The following FSTL5 variants were observed in gnomAD, a reference collection of about 807,000 sequenced individuals.
The protein encoded by FSTL5 is follistatin-related protein 5.
Under a neutral mutation model 89.1 loss-of-function variants are expected in FSTL5, and 62 were observed. The observed-to-expected ratio is 0.70, with a 90% CI of 0.57 to 0.86. The LOEUF (loss-of-function observed/expected upper bound fraction) is 0.86. FSTL5 is among the 40% of genes least tolerant of loss of function. The probability of loss-of-function intolerance (pLI) is 0.00; values close to 1 mark genes in which losing one functional copy is unlikely to be tolerated. For missense variants in FSTL5, 1,057 were observed against 1,001.6 expected (o/e 1.06, Z -0.75); for synonymous variants, 383 against 346.2 (o/e 1.11, Z -1.18).
At chr4:161,934,831 CT>C (rs1215310327) in intron 3 of FSTL5, among the ~76,000 whole-genome samples, 1 of 151,964 alleles carries the variant, frequency 6.6e-6, no homozygotes, top group African/African-American at 2.4e-5. Context: ...TATCATGCCC[CT>C]GTTATTATTT....
chr4:161,892,874 T>G (rs1733031755), intron 4 of FSTL5, among the ~76,000 whole-genome samples: 1 of 152,164 alleles, frequency 6.6e-6, no homozygotes, highest in Non-Finnish European at 1.5e-5. Context: ...TAATTACAAC[T>G]ATTATTCAAA....
chr4:161,706,001 CAT>C (rs1255228550), intron 6 of FSTL5, among the ~76,000 whole-genome samples: 38 of 82,398 alleles, frequency 4.6e-4, no homozygotes, highest in African/African-American at 1.6e-3. Context: ...TATATACACA[CAT>C]CTACACACAC....
chr4:162,126,603 C>A (rs1579048711), intron 1 of FSTL5, among the ~76,000 whole-genome samples: 1 of 151,950 alleles, frequency 6.6e-6, no homozygotes, highest in East Asian at 1.9e-4. Context: ...AATGTGTAGC[C>A]TCTCCATTTA....
chr4:161,951,202 A>G (rs1390899985), intron 3 of FSTL5, among the ~76,000 whole-genome samples: 1 of 152,036 alleles, frequency 6.6e-6, no homozygotes, highest in African/African-American at 2.4e-5. Flanking sequence ...CTCCCCAGCC[A>G]TGTGGAACTT....
intron 13 of FSTL5, among the ~76,000 whole-genome samples, chr4:161,474,290 A>G (rs906037768): frequency 6.6e-6 from 1 of 152,184 alleles, no homozygotes; most frequent in African/African-American, 2.4e-5. Flanking sequence ...GTGCCAAAAA[A>G]ATAAACAAAT....
At chr4:161,919,117 G>A (rs1733920835) in intron 4 of FSTL5, among the ~76,000 whole-genome samples, 1 of 151,906 alleles carries the variant, frequency 6.6e-6, no homozygotes, top group Non-Finnish European at 1.5e-5. Flanking sequence ...ATACCATCTT[G>A]TGTCAAAATG....
At chr4:162,040,817 A>G (rs1405107130) in intron 2 of FSTL5, among the ~76,000 whole-genome samples, 1 of 150,134 alleles carries the variant, frequency 6.7e-6, no homozygotes, top group Admixed American at 6.7e-5. Context: ...ATTATTATTT[A>G]TCTTTTTTTT....
At chr4:161,740,337 G>A (rs185165414) in intron 6 of FSTL5, among the ~76,000 whole-genome samples, 7 of 151,846 alleles carry the variant, frequency 4.6e-5, no homozygotes, top group South Asian at 2.1e-4. Flanking sequence ...GTATAGTATC[G>A]CTTTTAGTAT....
At chr4:161,543,951 C>A (rs1241683437) in intron 8 of FSTL5, among the ~76,000 whole-genome samples, 2 of 151,762 alleles carry the variant, frequency 1.3e-5, no homozygotes, top group Non-Finnish European at 2.9e-5. Context: ...AAAGTATAAA[C>A]ACAACCCACA....
intron 6 of FSTL5, among the ~76,000 whole-genome samples, chr4:161,721,308 ATTTTTC>A (rs1739205706): frequency 7.3e-6 from 1 of 137,858 alleles, no homozygotes; most frequent in African/African-American, 2.7e-5. Context: ...AAAAAAAAAA[ATTTTTC>A]TAAGAAGGTA....
chr4:161,828,895 T>C (rs1278634359), intron 4 of FSTL5, among the ~76,000 whole-genome samples: 2 of 151,972 alleles, frequency 1.3e-5, no homozygotes, highest in Non-Finnish European at 2.9e-5. Flanking sequence ...AATATTTTGA[T>C]TTGCTCTGCT....
At position 162,117,858 on chromosome 4, in the gene FSTL5, A is replaced by C. The variant is rs11941934; in HGVS notation, c.-16-6446T>G. Among the ~76,000 whole-genome samples the C allele has an allele frequency of 9.5e-3, 1,442 of 152,312 alleles. 23 individuals are homozygous for C. The highest frequency in any genetic ancestry group is 0.032 in the African/African-American group (1,326 of 41,550). On this transcript the variant is annotated intron_variant, in intron 1 of 15. Transcript: ENST00000306100. ...TATTTTTGGGTAAATAAAATAATGAATAAATTGATAAAAATTAATTAATTT... is the reference window on the plus strand; with the variant it reads ...TATTTTTGGGTAAATAAAATAATGACTAAATTGATAAAAATTAATTAATTT...
chr4:161,461,297 C>A (rs10021015), intron 13 of FSTL5, among the ~76,000 whole-genome samples: 58,540 of 90,830 alleles, frequency 0.64, 16,330 homozygotes, highest in East Asian at 0.7. Flanking sequence ...ACAAAAAAAA[C>A]AAACAAACAA....
chr4:161,817,863 G>C (rs1320597493), intron 4 of FSTL5, among the ~76,000 whole-genome samples: 1 of 152,210 alleles, frequency 6.6e-6, no homozygotes. Flanking sequence ...AGAAGTACTG[G>C]GAAGGGAAGA....
At chr4:161,646,534 A>C (rs2126673655) in intron 7 of FSTL5, among the ~76,000 whole-genome samples, 1 of 152,182 alleles carries the variant, frequency 6.6e-6, no homozygotes, top group African/African-American at 2.4e-5. Flanking sequence ...CAGACATATT[A>C]TGAAAATTGC....
intron 4 of FSTL5, among the ~76,000 whole-genome samples, chr4:161,861,643 T>C (rs1731920197): frequency 1.3e-5 from 2 of 152,176 alleles, no homozygotes; most frequent in African/African-American, 4.8e-5. Flanking sequence ...TATTTTTTGA[T>C]AGGTAGAGGC....
chr4:161,429,149 G>C (rs1732266280), intron 15 of FSTL5, among the ~76,000 whole-genome samples: 1 of 152,026 alleles, frequency 6.6e-6, no homozygotes, highest in African/African-American at 2.4e-5. Context: ...GACTGGGAAG[G>C]GCTTTTTTGT....
intron 11 of FSTL5, 116 bp from the exon 12 acceptor site, chr4:161,500,250 G>C: frequency 1.6e-6 from 1 of 630,122 alleles, no homozygotes. Context: ...GTTGTGTAAT[G>C]TTAATAAAGC....
intron 3 of FSTL5, among the ~76,000 whole-genome samples, chr4:162,009,932 A>G (rs1736713064): frequency 6.6e-6 from 1 of 151,882 alleles, no homozygotes; most frequent in South Asian, 2.1e-4. Context: ...AATTTGAACT[A>G]AAGTCTCTTG....
Sources: gnomAD v4.1 joint callset for allele counts (sites outside exome capture counted in the v4.1 genomes callset) on GRCh38, gnomAD v4.1.1 for gene constraint, MANE v1.5 for transcripts, NCBI Gene and HGNC (gene_info 2026-07-23, HGNC 2026-07-21) for gene names.